CNTNAP5: variants seen among roughly 807,000 people sequenced by gnomAD.
CNTNAP5 encodes the protein contactin associated protein family member 5.
In CNTNAP5, 72 loss-of-function variants were observed where a neutral mutation model predicts 150.2. That is an observed-to-expected ratio of 0.48 (90% confidence interval 0.40 to 0.58). The LOEUF (loss-of-function observed/expected upper bound fraction) is 0.58. Among genes scored for constraint, CNTNAP5 ranks in the 20% least tolerant of loss-of-function variants. The pLI is 0.00. For missense variants in CNTNAP5, 1,636 were observed against 1,626.2 expected (o/e 1.01, Z -0.10); for synonymous variants, 672 against 619.8 (o/e 1.08, Z -1.25).
At chr2:124,638,592 A>G (rs77281423) in intron 12 of CNTNAP5, among the ~76,000 whole-genome samples, 1 of 152,130 alleles carries the variant, frequency 6.6e-6, no homozygotes, top group Non-Finnish European at 1.5e-5. Flanking sequence ...AAGCATTTTC[A>G]TGTTACAAAA....
chr2:124,118,094 T>A (rs1683472065), intron 1 of CNTNAP5, among the ~76,000 whole-genome samples: 1 of 152,172 alleles, frequency 6.6e-6, no homozygotes, highest in African/African-American at 2.4e-5. Context: ...TAAATGACAC[T>A]ATTCTTTTAA....
intron 3 of CNTNAP5, among the ~76,000 whole-genome samples, chr2:124,261,499 A>C (rs567876453): frequency 2.0e-5 from 3 of 152,288 alleles, no homozygotes; most frequent in East Asian, 1.9e-4. Context: ...TGATGATAAG[A>C]AGCAGCAGCA....
chr2:124,096,460 A>T (rs11693515), intron 1 of CNTNAP5, among the ~76,000 whole-genome samples: 41,510 of 152,036 alleles, frequency 0.27, 6,132 homozygotes, highest in Admixed American at 0.36. Flanking sequence ...GCAACTTAGT[A>T]TCCATTCTTT....
intron 13 of CNTNAP5, among the ~76,000 whole-genome samples, chr2:124,739,081 A>T (rs1680447818): frequency 6.6e-6 from 1 of 152,182 alleles, no homozygotes; most frequent in Non-Finnish European, 1.5e-5. Context: ...GCTTGAAATG[A>T]TCCCATCAAA....
intron 19 of CNTNAP5, among the ~76,000 whole-genome samples, chr2:124,858,442 T>C (rs560226997): frequency 6.6e-6 from 1 of 152,244 alleles, no homozygotes; most frequent in South Asian, 2.1e-4. Context: ...ATGAGTTAAC[T>C]CCCATCCACA....
intron 2 of CNTNAP5, among the ~76,000 whole-genome samples, chr2:124,232,963 G>A (rs1374924188): frequency 6.6e-6 from 1 of 151,682 alleles, no homozygotes; most frequent in Non-Finnish European, 1.5e-5. Context: ...TTCCAGAACA[G>A]GGTGGTTACA....
At chr2:124,570,788 T>C (rs777280171) in intron 11 of CNTNAP5, among the ~76,000 whole-genome samples, 1 of 152,158 alleles carries the variant, frequency 6.6e-6, no homozygotes, top group Non-Finnish European at 1.5e-5. Context: ...TTGGATCAAG[T>C]ATACTTAAAG....
chr2:124,199,924 A>G (rs191787342), intron 1 of CNTNAP5, among the ~76,000 whole-genome samples: 27 of 152,304 alleles, frequency 1.8e-4, no homozygotes, highest in African/African-American at 5.5e-4. Flanking sequence ...GAATAATGAG[A>G]GTTACACTTC....
intron 3 of CNTNAP5, among the ~76,000 whole-genome samples, chr2:124,405,328 A>T (rs1214490242): frequency 6.6e-6 from 1 of 152,180 alleles, no homozygotes; most frequent in Non-Finnish European, 1.5e-5. Context: ...CTTTGATGAT[A>T]AGTGGGACAA....
Position 124,789,926 on chromosome 2 carries a change from G to C in CNTNAP5, c.2777G>C (p.Gly926Ala). Residue 926 changes from glycine to alanine, a missense_variant, in exon 18 of 24, where the codon GGC becomes GCC. Physicochemically the swap from Gly to Ala is moderately conservative, Grantham distance 60. Transcript: ENST00000682447. ...FVGGTSSRQK[G>A]FLGCIRSLHL... The stretch of plus-strand genomic sequence containing the variant: ...GGGGGAACGTCATCCAGACAGAAAG[G>C]CTTCCTAGGATGCATTCGCTCCTTA... 1 of 1,613,162 alleles carries C rather than the reference G, an allele frequency of 6.2e-7. No individual in the cohort carries two copies. The highest frequency in any genetic ancestry group is 8.5e-7 in the Non-Finnish European group (1 of 1,179,422).
chr2:124,202,418 A>T (rs1465551393), intron 1 of CNTNAP5, among the ~76,000 whole-genome samples: 1 of 152,176 alleles, frequency 6.6e-6, no homozygotes, highest in African/African-American at 2.4e-5. Context: ...TTATCTTGGG[A>T]TGTCTTTAGT....
At chr2:124,826,061 T>C (rs923467687) in intron 19 of CNTNAP5, among the ~76,000 whole-genome samples, 1 of 152,144 alleles carries the variant, frequency 6.6e-6, no homozygotes, top group African/African-American at 2.4e-5. Flanking sequence ...CAAACATAAT[T>C]GCATAATGAA....
chr2:124,907,036 C>T (rs1678551869), intron 22 of CNTNAP5, among the ~76,000 whole-genome samples: 1 of 151,828 alleles, frequency 6.6e-6, no homozygotes. Flanking sequence ...CATTGGATGC[C>T]CGGCACTATA....
intron 2 of CNTNAP5, among the ~76,000 whole-genome samples, chr2:124,241,037 C>A (rs1367524944): frequency 6.6e-6 from 1 of 152,178 alleles, no homozygotes; most frequent in East Asian, 1.9e-4. Context: ...CCTCTCCCTA[C>A]TTGATGTCCT....
intron 19 of CNTNAP5, among the ~76,000 whole-genome samples, chr2:124,810,509 C>T (rs1036450042): frequency 6.6e-6 from 1 of 152,096 alleles, no homozygotes; most frequent in Non-Finnish European, 1.5e-5. Context: ...TCTTTTAGAA[C>T]CTTAACTGGA....
intron 4 of CNTNAP5, among the ~76,000 whole-genome samples, chr2:124,426,447 G>T (rs574278491): frequency 1.3e-5 from 2 of 152,110 alleles, no homozygotes; most frequent in African/African-American, 4.8e-5. Flanking sequence ...GCAAGAGTAT[G>T]GTCTGAATAA....
At chr2:124,690,605 G>A (rs970224005) in intron 13 of CNTNAP5, among the ~76,000 whole-genome samples, 10 of 151,976 alleles carry the variant, frequency 6.6e-5, no homozygotes, top group African/African-American at 2.4e-4. Context: ...CTCCCTGCTG[G>A]CTGGGATCTC....
At chr2:124,331,663 C>T (rs1243452962) in intron 3 of CNTNAP5, among the ~76,000 whole-genome samples, 1 of 151,654 alleles carries the variant, frequency 6.6e-6, no homozygotes. Flanking sequence ...ATTCATTCCA[C>T]TAACCAGAAT....
chr2:124,757,474 C>T (rs1156495234), intron 14 of CNTNAP5, among the ~76,000 whole-genome samples: 1 of 152,194 alleles, frequency 6.6e-6, no homozygotes, highest in African/African-American at 2.4e-5. Context: ...CTTGAGAGAG[C>T]TGCTGTCGGC....
Sources: allele counts gnomAD v4.1 joint callset (sites outside exome capture counted in the v4.1 genomes callset), GRCh38; gene constraint gnomAD v4.1.1; transcripts MANE v1.5; gene names NCBI Gene and HGNC (gene_info 2026-07-23, HGNC 2026-07-21).